The following ENOX1 variants were observed in gnomAD, a reference collection of about 807,000 sequenced individuals.
The protein encoded by ENOX1 is candidate growth-related and time keeping constitutive hydroquinone (NADH) oxidase.
ENOX1 carries 42 observed loss-of-function variants against 82.5 expected under a neutral mutation model. That is an observed-to-expected ratio of 0.51 (90% CI 0.40 to 0.66). The LOEUF is 0.66. Among genes scored for constraint, ENOX1 ranks in the 30% least tolerant of loss-of-function variants. The pLI is 0.00. For missense variants in ENOX1, 608 were observed against 811.6 expected (o/e 0.75, Z 3.05); for synonymous variants, 271 against 282.2 (o/e 0.96, Z 0.40).
intron 3 of ENOX1, among the ~76,000 whole-genome samples, chr13:43,424,676 G>A (rs1315571228): frequency 1.3e-5 from 2 of 152,216 alleles, no homozygotes; most frequent in Non-Finnish European, 2.9e-5. Context: ...TGCATGGATT[G>A]CCCTGGGTGA....
chr13:43,445,802 C>T (rs1427340116), intron 3 of ENOX1, among the ~76,000 whole-genome samples: 1 of 152,182 alleles, frequency 6.6e-6, no homozygotes, highest in African/African-American at 2.4e-5. Context: ...GGTCATCAGG[C>T]AGCCCCTTCC....
intron 3 of ENOX1, among the ~76,000 whole-genome samples, chr13:43,475,794 C>CAAAAAAAAAAAAAAAA (rs10624980): frequency 2.8e-5 from 2 of 70,944 alleles, no homozygotes; most frequent in Non-Finnish European, 5.0e-5. Flanking sequence ...CATAACTGAC[C>CAAAAAAAAAAAAAAAA]AAAAAAAAAA....
chr13:43,474,326 T>G (rs1457992835), intron 3 of ENOX1, among the ~76,000 whole-genome samples: 1 of 152,180 alleles, frequency 6.6e-6, no homozygotes, highest in Non-Finnish European at 1.5e-5. Flanking sequence ...TAGTTCACCC[T>G]AATTAAGGAG....
intron 14 of ENOX1, among the ~76,000 whole-genome samples, chr13:43,247,846 TATATATATATATATATATATA>T (rs2043170836): frequency 1.5e-3 from 7 of 4,706 alleles, no homozygotes; most frequent in East Asian, 5.6e-3. Flanking sequence ...TATATATATA[TATATATATATATATATATATA>T]TATATATATA....
At chr13:43,288,636 A>G (rs1040116201) in intron 12 of ENOX1, among the ~76,000 whole-genome samples, 8 of 152,252 alleles carry the variant, frequency 5.3e-5, no homozygotes, top group African/African-American at 1.9e-4. Flanking sequence ...ATAATCTGTC[A>G]TATATTAAAG....
At chr13:43,718,575 G>T (rs2088314760) in intron 1 of ENOX1, among the ~76,000 whole-genome samples, 1 of 149,832 alleles carries the variant, frequency 6.7e-6, no homozygotes, top group South Asian at 2.1e-4. Context: ...ATCTCGGGAG[G>T]CTGAGGCAGG....
rs925324522 is a variant in ENOX1 at position 43,650,658 on chromosome 13, G to A, written c.-219+16821C>T. Among the ~76,000 whole-genome samples the A allele has an allele frequency of 1.2e-3, 3 of 2,496 alleles. No individual in the cohort carries two copies. The Non-Finnish European group carries it at 0.037, about 31-fold the overall frequency. The allele number at this position is 2,496 out of a possible 152,430, so 1.6% of individuals were successfully genotyped here. Reference sequence around the variant, plus strand: ...GTTCGAGACCATCCTGGGCAACATGGTGAAACCCGTCTCTACTAAAAACAC... The same window carrying A: ...GTTCGAGACCATCCTGGGCAACATGATGAAACCCGTCTCTACTAAAAACAC... On this transcript the variant is annotated intron_variant, in intron 2 of 16. Transcript: ENST00000690772.
At chr13:43,548,068 CTCT>C (rs1391044279) in intron 2 of ENOX1, 1 of 152,182 alleles carries the variant, frequency 6.6e-6, no homozygotes, top group African/African-American at 2.4e-5. Context: ...TGGCCAAAGG[CTCT>C]TCTTTTGAGT....
At chr13:43,221,959 C>T (rs1566269188) in intron 16 of ENOX1, among the ~76,000 whole-genome samples, 2 of 152,084 alleles carry the variant, frequency 1.3e-5, no homozygotes, top group Admixed American at 1.3e-4. Context: ...TCCCTGGTGC[C>T]CAGCAGTTTT....
chr13:43,625,748 A>AC (rs34778615), intron 2 of ENOX1, among the ~76,000 whole-genome samples: 146,771 of 151,988 alleles, frequency 0.97, 71,083 homozygotes, highest in East Asian at 1. Flanking sequence ...ATTTGCTAAT[A>AC]TTTGCTAAGT....
At chr13:43,414,339 A>T (rs1428195109) in intron 3 of ENOX1, among the ~76,000 whole-genome samples, 1 of 152,190 alleles carries the variant, frequency 6.6e-6, no homozygotes. Context: ...CAGGAAGATG[A>T]ATCATCATCA....
intron 1 of ENOX1, among the ~76,000 whole-genome samples, chr13:43,750,849 C>T (rs1011479431): frequency 6.6e-6 from 1 of 152,144 alleles, no homozygotes; most frequent in African/African-American, 2.4e-5. Context: ...GTTGGAAATT[C>T]TCCTCTTATT....
chr13:43,294,231 C>T (rs1182706090), intron 12 of ENOX1, among the ~76,000 whole-genome samples: 2 of 152,190 alleles, frequency 1.3e-5, no homozygotes, highest in African/African-American at 4.8e-5. Context: ...TAGTCATACG[C>T]ACTTTTATGA....
chr13:43,523,553 C>T (rs2077863474), intron 2 of ENOX1, among the ~76,000 whole-genome samples: 1 of 152,112 alleles, frequency 6.6e-6, no homozygotes, highest in Non-Finnish European at 1.5e-5. Context: ...TTTTAACCAC[C>T]CCATTAGCAG....
At chr13:43,236,797 T>A in intron 14 of ENOX1, 59 bp from the exon 15 acceptor site, 1 of 909,962 alleles carries the variant, frequency 1.1e-6, no homozygotes, top group Non-Finnish European at 1.6e-6. Context: ...TGCATGTCAA[T>A]AAAAAACACC....
At chr13:43,586,804 C>T (rs943811186) in intron 2 of ENOX1, among the ~76,000 whole-genome samples, 11 of 152,086 alleles carry the variant, frequency 7.2e-5, no homozygotes, top group African/African-American at 2.2e-4. Context: ...GTGGCTCACG[C>T]CTGTAATCCC....
chr13:43,490,603 G>A (rs923348068), intron 2 of ENOX1, among the ~76,000 whole-genome samples: 1 of 152,154 alleles, frequency 6.6e-6, no homozygotes, highest in African/African-American at 2.4e-5. Flanking sequence ...ATGAGATTAA[G>A]GACCTTATTA....
intron 2 of ENOX1, among the ~76,000 whole-genome samples, chr13:43,532,988 C>A (rs189198892): frequency 6.6e-6 from 1 of 151,792 alleles, no homozygotes; most frequent in East Asian, 1.9e-4. Flanking sequence ...ATAATTTTTA[C>A]GAGTATTAAG....
intron 5 of ENOX1, among the ~76,000 whole-genome samples, chr13:43,371,880 C>T (rs974627383): frequency 6.6e-6 from 1 of 152,098 alleles, no homozygotes; most frequent in African/African-American, 2.4e-5. Flanking sequence ...AAGAGAACTG[C>T]AAATTGTGTG....
Sources: gnomAD v4.1 joint callset for allele counts (sites outside exome capture counted in the v4.1 genomes callset) on GRCh38, gnomAD v4.1.1 for gene constraint, MANE v1.5 for transcripts, NCBI Gene and HGNC (gene_info 2026-07-23, HGNC 2026-07-21) for gene names.